Variants in PCDHA1 observed in about 807,000 individuals in gnomAD.
PCDHA1 encodes the protein protocadherin alpha 1, also known as protocadherin alpha-1.
In PCDHA1, 42 loss-of-function variants were observed where a neutral mutation model predicts 61.3. The ratio of observed to expected loss-of-function variants is 0.69; its 90% CI spans 0.54 to 0.89. PCDHA1 has a LOEUF of 0.89. Ranked by LOEUF, PCDHA1 falls within the 40% of genes least tolerant of loss-of-function variation. PCDHA1 has a pLI of 0.00. For missense variants in PCDHA1, 1,256 were observed against 1,235.3 expected (o/e 1.02, Z -0.25); for synonymous variants, 610 against 553.8 (o/e 1.10, Z -1.43).
At chr5:140,842,000 C>G in intron 1 of PCDHA1, 1 of 1,613,786 alleles carries the variant, frequency 6.2e-7, no homozygotes, top group Non-Finnish European at 8.5e-7. Context: ...AGGCACTGTT[C>G]AGCTGCTGGT....
At chr5:140,892,207 A>C (rs1562863208) in intron 1 of PCDHA1, among the ~76,000 whole-genome samples, 1 of 152,110 alleles carries the variant, frequency 6.6e-6, no homozygotes, top group African/African-American at 2.4e-5. Context: ...TGTGTTTTAA[A>C]ATTGTATCTT....
At chr5:140,884,204 C>T in intron 1 of PCDHA1, 1 of 1,613,500 alleles carries the variant, frequency 6.2e-7, no homozygotes, top group Non-Finnish European at 8.5e-7. Flanking sequence ...GCCGCACCAC[C>T]GCCTTCTGGT....
chr5:140,876,618 T>C (rs781928314), intron 1 of PCDHA1: 7 of 1,614,074 alleles, frequency 4.3e-6, no homozygotes, highest in African/African-American at 1.3e-5. Flanking sequence ...CTGGAGCCAA[T>C]GGACAGGTCA....
At chr5:140,876,155 T>A in intron 1 of PCDHA1, 1 of 1,613,994 alleles carries the variant, frequency 6.2e-7, no homozygotes, top group Non-Finnish European at 8.5e-7. Context: ...TCTGTCCAGA[T>A]TCAAATAACC....
intron 1 of PCDHA1, among the ~76,000 whole-genome samples, chr5:140,839,123 G>A (rs1346633787): frequency 6.6e-6 from 1 of 151,664 alleles, no homozygotes; most frequent in Admixed American, 6.6e-5. Flanking sequence ...GCCATAATAT[G>A]TCATTCACAT....
intron 1 of PCDHA1, among the ~76,000 whole-genome samples, chr5:140,959,354 A>C (rs1021119947): frequency 2.0e-5 from 3 of 152,244 alleles, no homozygotes; most frequent in African/African-American, 7.2e-5. Context: ...CAGCGGGACA[A>C]CTGAGTGAGA....
chr5:140,895,320 T>C (rs561707282), intron 1 of PCDHA1, among the ~76,000 whole-genome samples: 2 of 152,298 alleles, frequency 1.3e-5, no homozygotes, highest in East Asian at 3.9e-4. Flanking sequence ...CCATGACTAT[T>C]GTTCTCAAAT....
intron 1 of PCDHA1, chr5:140,868,353 A>T (rs1303376076): frequency 6.6e-6 from 1 of 152,174 alleles, no homozygotes; most frequent in Non-Finnish European, 1.5e-5. Flanking sequence ...ATCAGAAAGC[A>T]ATTAAATGTA....
intron 1 of PCDHA1, chr5:140,875,679 A>T (rs1554167850): frequency 4.3e-6 from 7 of 1,613,916 alleles, no homozygotes; most frequent in Non-Finnish European, 8.5e-7. Context: ...TGGCGTCCAA[A>T]AGACACGGGG....
chr5:140,796,197 C>T lies in PCDHA1; in HGVS notation c.2394+7513C>T, dbSNP rs782096647. 9.9e-6 allele frequency: 16 copies of T among 1,614,182 alleles called. 1 individual carries two copies. The East Asian group carries it at 1.1e-4, about 11-fold the overall frequency. On this transcript the variant is annotated intron_variant, in intron 1 of 3. Coordinates refer to ENST00000504120, the MANE Select transcript of PCDHA1 (RefSeq NM_018900.4). ...ATTACTACTCGTTGGTGCTGGACAG[C>T]GCCCTGGACCGCGAGAGCGTGTCAG...
chr5:140,908,836 T>C (rs1206116511), intron 1 of PCDHA1, among the ~76,000 whole-genome samples: 4 of 152,200 alleles, frequency 2.6e-5, no homozygotes, highest in African/African-American at 9.7e-5. Flanking sequence ...ATAAATGGGC[T>C]GGAGTAACAT....
rs140356413 is a variant in PCDHA1, at chr5:140,945,687, T to C, written c.2395-33262T>C. On this transcript the variant is annotated intron_variant, in intron 1 of 3. Transcript: ENST00000504120. ...CCCAGAAATAAATCCACACAGTTAC[T>C]GTCCACTGATTTGCAACAAAAGTAT... 6.6e-3 allele frequency among the ~76,000 whole-genome samples: 1,005 copies of C among 152,204 alleles called. 10 individuals carry two copies. The highest frequency in any genetic ancestry group is 0.023 in the African/African-American group (952 of 41,538).
chr5:140,788,295 C>A lies in PCDHA1; in HGVS notation c.2005C>A (p.Leu669Met). The A allele has an allele frequency of 6.2e-7, 1 of 1,614,006 alleles. No individual in the cohort carries two copies. Among genetic ancestry groups the A allele is most frequent in the East Asian group, 2.2e-5 (1 of 44,880 alleles). Residue 669 changes from leucine to methionine, a missense_variant, in exon 1 of 4, where the codon CTG (leucine) becomes ATG (methionine). Leu to Met is a conservative substitution (Grantham distance 15). Coordinates refer to ENST00000504120, the MANE Select transcript of PCDHA1 (RefSeq NM_018900.4). ...LTATATVLVSLVESGQAPKAS... is the reference protein window; with the variant it reads ...LTATATVLVSMVESGQAPKAS... The stretch of plus-strand genomic sequence containing the variant: ...AGCCACGGCCACTGTGCTTGTATCT[C>A]TGGTGGAGAGCGGCCAGGCGCCAAA...
chr5:140,846,984 C>T (rs1554141604), intron 1 of PCDHA1, among the ~76,000 whole-genome samples: 2 of 149,190 alleles, frequency 1.3e-5, no homozygotes, highest in African/African-American at 4.9e-5. Context: ...TAAGTAAGTT[C>T]CCCCCGGGAG....
At chr5:140,882,041 A>G (rs1374444489) in intron 1 of PCDHA1, 9 of 677,522 alleles carry the variant, frequency 1.3e-5, no homozygotes, top group African/African-American at 1.3e-4. Context: ...ATGAAGACTG[A>G]GTCATACTTA....
rs782248969 is a variant in PCDHA1 at position 140,927,466 on chromosome 5, G to A, written c.2395-51483G>A. 67 of 1,614,044 alleles carry A rather than the reference G, an allele frequency of 4.2e-5. No homozygotes were observed. Among genetic ancestry groups the A allele is most frequent in the Non-Finnish European group, 5.4e-5 (64 of 1,180,052 alleles). Reference sequence around the variant, plus strand: ...GGAGTTGGTGTTGGAGAAAGCACTGGATCGCGAACAGCGCGCCACCCACCT... The same window carrying A: ...GGAGTTGGTGTTGGAGAAAGCACTGAATCGCGAACAGCGCGCCACCCACCT... On this transcript the variant is annotated intron_variant, in intron 1 of 3. Coordinates refer to ENST00000504120, the MANE Select transcript of PCDHA1 (RefSeq NM_018900.4).
chr5:140,938,092 A>G (rs1255638035), intron 1 of PCDHA1, among the ~76,000 whole-genome samples: 4 of 152,034 alleles, frequency 2.6e-5, no homozygotes, highest in African/African-American at 9.7e-5. Context: ...TAGTTTTATT[A>G]TTGTATTTTT....
chr5:141,000,828 G>A (rs1244334845), intron 3 of PCDHA1, among the ~76,000 whole-genome samples: 2 of 151,966 alleles, frequency 1.3e-5, no homozygotes, highest in African/African-American at 4.8e-5. Flanking sequence ...GATCACTTGA[G>A]TCCAGGAGAT....
chr5:140,875,891 T>C (rs781902632), intron 1 of PCDHA1: 3 of 1,614,008 alleles, frequency 1.9e-6, no homozygotes, highest in Non-Finnish European at 2.5e-6. Context: ...GAACAAAAGG[T>C]ACCTGTTTCT....
Sources: gnomAD v4.1 joint callset for allele counts (sites outside exome capture counted in the v4.1 genomes callset) on GRCh38, gnomAD v4.1.1 for gene constraint, MANE v1.5 for transcripts, NCBI Gene and HGNC (gene_info 2026-07-23, HGNC 2026-07-21) for gene names.